TMEM272: variants seen among roughly 807,000 people sequenced by gnomAD.
TMEM272 encodes the protein transmembrane protein 272.
TMEM272 carries 8 observed loss-of-function variants against 3.7 expected under a neutral mutation model. The observed-to-expected ratio is 2.17, with a 90% CI of 1.27 to 3.91. The LOEUF is 3.91. Among genes scored for constraint, TMEM272 ranks in the 30% most tolerant of loss-of-function variants. The probability of loss-of-function intolerance (pLI) is 0.00; values close to 1 mark genes in which losing one functional copy is unlikely to be tolerated. For synonymous variants in TMEM272, 63 were observed against 39.8 expected, an observed-to-expected ratio of 1.58 and a Z score of -2.20; for missense variants, 166 against 91.5, an observed-to-expected ratio of 1.81 and a Z score of -3.32.
At chr13:51,849,802 G>C (rs1171407467), upstream of TMEM272, among the ~76,000 whole-genome samples, 1 of 152,214 alleles carries the variant, frequency 6.6e-6, no homozygotes, top group Non-Finnish European at 1.5e-5. Flanking sequence ...GAGGGTCTAA[G>C]TTCCCAGGGG....
At chr13:51,883,368 C>T in the TMEM272 span, among the ~76,000 whole-genome samples, 1 of 152,144 alleles carries the variant, frequency 6.6e-6, no homozygotes, top group Non-Finnish European at 1.5e-5. Context: ...GAATGAGGTA[C>T]GTGAGCATCG....
the TMEM272 span, among the ~76,000 whole-genome samples, chr13:51,872,595 C>T: frequency 6.6e-6 from 1 of 152,168 alleles, no homozygotes; most frequent in Non-Finnish European, 1.5e-5. Context: ...CCAACCAGGA[C>T]ACATCACTAT....
At chr13:51,880,940 T>C in the TMEM272 span, among the ~76,000 whole-genome samples, 2 of 152,100 alleles carry the variant, frequency 1.3e-5, no homozygotes, top group Non-Finnish European at 2.9e-5. Flanking sequence ...CAAAAACCTA[T>C]GGAAATAAAA....
At chr13:51,837,929 C>T (rs1956229751) in intron 2 of TMEM272, among the ~76,000 whole-genome samples, 2 of 152,208 alleles carry the variant, frequency 1.3e-5, no homozygotes, top group African/African-American at 4.8e-5. Flanking sequence ...TTAGACCATA[C>T]ATCTCACCAT....
intron 2 of TMEM272, among the ~76,000 whole-genome samples, chr13:51,836,027 C>G (rs1238026533): frequency 6.6e-6 from 1 of 152,182 alleles, no homozygotes; most frequent in Admixed American, 6.5e-5. Flanking sequence ...GTTGTCATGT[C>G]TCCTCTGCCT....
intron 1 of TMEM272, 140 bp from the exon 2 acceptor site, chr13:51,838,693 T>C (rs959276772): frequency 4.5e-6 from 3 of 667,590 alleles, no homozygotes; most frequent in African/African-American, 3.5e-5. Flanking sequence ...CAGTGTCAGG[T>C]GTGGCCTTGT....
chr13:51,822,887 A>G (rs1956092420), intron 3 of TMEM272, among the ~76,000 whole-genome samples: 1 of 152,310 alleles, frequency 6.6e-6, no homozygotes, highest in African/African-American at 2.4e-5. Flanking sequence ...TGATGTGTCT[A>G]TTTAACATAT....
the TMEM272 span, among the ~76,000 whole-genome samples, chr13:51,879,876 A>G: frequency 1.3e-5 from 2 of 152,214 alleles, no homozygotes; most frequent in Non-Finnish European, 2.9e-5. Context: ...TAGTCCAACA[A>G]GAGGGTCCAG....
chr13:51,821,936 C>T (rs746541179), intron 4 of TMEM272, 119 bp downstream of exon 4: 5 of 689,202 alleles, frequency 7.3e-6, no homozygotes, highest in South Asian at 4.6e-5. Context: ...TCAGCAACCA[C>T]GCTTAGGGGG....
the TMEM272 span, among the ~76,000 whole-genome samples, chr13:51,915,539 A>G: frequency 6.6e-6 from 1 of 152,224 alleles, no homozygotes; most frequent in Non-Finnish European, 1.5e-5. Flanking sequence ...TTTGAACTCC[A>G]CATGCTACAG....
the TMEM272 span, among the ~76,000 whole-genome samples, chr13:51,907,659 A>C: frequency 6.6e-6 from 1 of 152,092 alleles, no homozygotes; most frequent in Non-Finnish European, 1.5e-5. Context: ...CATCACTCCT[A>C]TCTTCTCGCT....
the TMEM272 span, among the ~76,000 whole-genome samples, chr13:51,882,178 A>G: frequency 6.6e-6 from 1 of 152,240 alleles, no homozygotes; most frequent in African/African-American, 2.4e-5. Flanking sequence ...TCAATGTCTA[A>G]TATGTGCCAA....
At chr13:51,919,719 C>T in the TMEM272 span, among the ~76,000 whole-genome samples, 30,811 of 152,206 alleles carry the variant, frequency 0.2, 3,578 homozygotes, top group African/African-American at 0.31. Flanking sequence ...GGCTGTGTCC[C>T]GAGCAAACGG....
chr13:51,912,073 C>A, the TMEM272 span, among the ~76,000 whole-genome samples: 1 of 152,272 alleles, frequency 6.6e-6, no homozygotes, highest in African/African-American at 2.4e-5. Flanking sequence ...GCCTTGCAGG[C>A]TCTATCTCAC....
At chr13:51,877,714 T>C in the TMEM272 span, among the ~76,000 whole-genome samples, 1 of 152,226 alleles carries the variant, frequency 6.6e-6, no homozygotes, top group Non-Finnish European at 1.5e-5. Context: ...AGATATTAAC[T>C]CCTGTCTTAT....
the TMEM272 span, among the ~76,000 whole-genome samples, chr13:51,851,500 C>A: frequency 6.7e-6 from 1 of 148,342 alleles, no homozygotes; most frequent in African/African-American, 2.5e-5. Context: ...TCCAAATCAG[C>A]ACGAAAAGAC....
chr13:51,930,137 C>CA, the TMEM272 span, among the ~76,000 whole-genome samples: 8 of 148,612 alleles, frequency 5.4e-5, no homozygotes, highest in African/African-American at 2.0e-4. Flanking sequence ...TCCCCCCCCC[C>CA]ACTTTCTATA....
the TMEM272 span, among the ~76,000 whole-genome samples, chr13:51,917,565 C>T: frequency 6.6e-6 from 1 of 152,200 alleles, no homozygotes; most frequent in East Asian, 1.9e-4. Context: ...GGGAAACCCA[C>T]ACGCTACTGA....
At chr13:51,853,801 G>C in the TMEM272 span, among the ~76,000 whole-genome samples, 151 of 152,282 alleles carry the variant, frequency 9.9e-4, 1 homozygote, top group African/African-American at 3.5e-3. Flanking sequence ...CAATTGCATA[G>C]AATATATGTA....
Sources: gnomAD v4.1 joint callset for allele counts (sites outside exome capture counted in the v4.1 genomes callset) on GRCh38, gnomAD v4.1.1 for gene constraint, MANE v1.5 for transcripts, NCBI Gene and HGNC (gene_info 2026-07-23, HGNC 2026-07-21) for gene names.